The following ORC4 variants were observed in gnomAD, a reference collection of about 807,000 sequenced individuals.
ORC4 encodes origin recognition complex subunit 4, also known as origin recognition complex, subunit 4 homolog.
A neutral mutation model predicts 63.9 loss-of-function variants in ORC4; 55 were observed. That is an observed-to-expected ratio of 0.86 (90% CI 0.69 to 1.08). The LOEUF (loss-of-function observed/expected upper bound fraction) is 1.08. Ranked by LOEUF, ORC4 falls within the 50% of genes least tolerant of loss-of-function variation. ORC4 has a pLI of 0.00. For missense variants in ORC4, 511 were observed against 504.4 expected (o/e 1.01, Z -0.13); for synonymous variants, 150 against 168.5 (o/e 0.89, Z 0.85).
At chr2:147,958,435 A>G in intron 5 of ORC4, 52 bp from the exon 6 acceptor site, 1 of 1,316,664 alleles carries the variant, frequency 7.6e-7, no homozygotes, top group Non-Finnish European at 1.1e-6. Flanking sequence ...CATGTATTTG[A>G]TACAGCAGGT....
chr2:147,934,407 C>T lies in ORC4; in HGVS notation c.*1103G>A. ...ATGCTTTGACGGACATTTCCACATT[C>T]CTCATAGGGATTTACTTTTTAATAC... On this transcript the variant is annotated 3_prime_UTR_variant, in exon 14 of 14. Transcript: ENST00000392857. 6.6e-6 allele frequency: 1 copy of T among 152,140 alleles called. No individual in the cohort carries two copies. The highest frequency in any genetic ancestry group is 1.5e-5 in the Non-Finnish European group (1 of 68,014). The allele number at this position is 152,140 out of a possible 1,614,324, so 9.4% of individuals were successfully genotyped here. A position where few individuals can be genotyped will look rare whatever the true frequency, so the allele number is the denominator to read the frequency against.
intron 7 of ORC4, among the ~76,000 whole-genome samples, chr2:147,953,932 T>C (rs865982443): frequency 1.3e-5 from 2 of 152,120 alleles, no homozygotes; most frequent in African/African-American, 2.4e-5. Flanking sequence ...TGTACTAATA[T>C]AGAATTTTAG....
At chr2:147,967,980 C>T (rs1184077360) in intron 4 of ORC4, among the ~76,000 whole-genome samples, 1 of 151,976 alleles carries the variant, frequency 6.6e-6, no homozygotes, top group African/African-American at 2.4e-5. Context: ...ATAGAGAACC[C>T]AGAAATTAAT....
rs1219655648 is a variant in ORC4 at position 147,933,102 on chromosome 2, A to AAAT, written c.*2405_*2407dup. On this transcript the variant is annotated 3_prime_UTR_variant, in exon 14 of 14. Coordinates refer to ENST00000392857, the MANE Select transcript of ORC4 (RefSeq NM_181741.4). Reference sequence around the variant, plus strand: ...TGGATTCAGATGTAAAAACACACTGAAATATTCCTCCTTTCACCTGCTTTT... The same window carrying AAAT: ...TGGATTCAGATGTAAAAACACACTGAAATAATATTCCTCCTTTCACCTGCTTTT... 2 of 152,064 alleles carry AAAT rather than the reference A, an allele frequency of 1.3e-5. No individual in the cohort carries two copies. The highest frequency in any genetic ancestry group is 2.9e-5 in the Non-Finnish European group (2 of 68,018). The allele number at this position is 152,064 out of a possible 1,614,324, so 9.4% of individuals were successfully genotyped here.
chr2:147,953,329 G>C (rs1400472022), intron 7 of ORC4, among the ~76,000 whole-genome samples: 1 of 152,082 alleles, frequency 6.6e-6, no homozygotes, highest in African/African-American at 2.4e-5. Flanking sequence ...GTGCAGTCTA[G>C]TTCCTAGACT....
At chr2:147,976,297 T>C (rs190934248) in intron 1 of ORC4, among the ~76,000 whole-genome samples, 11 of 152,288 alleles carry the variant, frequency 7.2e-5, no homozygotes, top group Admixed American at 3.9e-4. Flanking sequence ...CCCCATTTTG[T>C]GTCTGTCAGC....
chr2:147,972,665 T>C (rs944070665), intron 4 of ORC4, 74 bp downstream of exon 4: 18 of 713,104 alleles, frequency 2.5e-5, no homozygotes, highest in East Asian at 2.3e-4. Flanking sequence ...AAGATTTATA[T>C]ATGAATTTAT....
At position 147,963,362 on chromosome 2, in the gene ORC4, G is replaced by A. The variant is rs148568150; in HGVS notation, c.226-4496C>T. Among the ~76,000 whole-genome samples, 84 of 152,234 alleles carry A rather than the reference G, an allele frequency of 5.5e-4. 2 individuals carry two copies. The East Asian group carries it at 0.016, about 29-fold the overall frequency. On this transcript the variant is annotated intron_variant, in intron 4 of 13. Transcript: ENST00000392857. ...GCCATCTGCTGCAGAAAAGTTCCCA[G>A]GCCAGCCAAGCAGCAGTGTCACAGG...
At chr2:147,952,707 C>G (rs1689027993) in intron 7 of ORC4, among the ~76,000 whole-genome samples, 183 bp from the exon 8 acceptor site, 1 of 152,152 alleles carries the variant, frequency 6.6e-6, no homozygotes, top group African/African-American at 2.4e-5. Flanking sequence ...ATTCAAAGGA[C>G]AAACACAGCC....
At chr2:147,978,460 G>GT (rs745424783) in intron 1 of ORC4, among the ~76,000 whole-genome samples, 60 of 152,216 alleles carry the variant, frequency 3.9e-4, no homozygotes, top group Non-Finnish European at 1.0e-4. Context: ...CTTCAGGGCT[G>GT]TTTCAGTATT....
chr2:148,000,613 G>A (rs1472056542), intron 1 of ORC4, among the ~76,000 whole-genome samples: 1 of 152,090 alleles, frequency 6.6e-6, no homozygotes, highest in Non-Finnish European at 1.5e-5. Context: ...AGGAAACAGA[G>A]GAACTAGCAT....
chr2:147,952,094 T>C lies in ORC4; in HGVS notation c.588+279A>G, dbSNP rs572110296. ...TATTGGTGAGATTTAACCGCCTCAT[T>C]ACTTGATAATGTAGAAATTATATTT... On this transcript the variant is annotated intron_variant, in intron 8 of 13. Transcript: ENST00000392857. Among the ~76,000 whole-genome samples the C allele has an allele frequency of 3.3e-5, 5 of 152,328 alleles. No homozygotes were observed. The East Asian group carries it at 9.6e-4, about 29-fold the overall frequency.
At chr2:147,958,097 C>G (rs1689364244) in intron 6 of ORC4, among the ~76,000 whole-genome samples, 1 of 152,062 alleles carries the variant, frequency 6.6e-6, no homozygotes, top group African/African-American at 2.4e-5. Flanking sequence ...GCTACTATAA[C>G]CTACTATGGA....
intron 1 of ORC4, among the ~76,000 whole-genome samples, chr2:148,014,000 C>T (rs1248446160): frequency 6.6e-6 from 1 of 151,964 alleles, no homozygotes; most frequent in Non-Finnish European, 1.5e-5. Context: ...GAAGAAAAGG[C>T]TGAGAAAAAA....
chr2:147,958,527 T>A (rs1249414522), intron 5 of ORC4, 144 bp from the exon 6 acceptor site: 2 of 648,368 alleles, frequency 3.1e-6, no homozygotes, highest in Non-Finnish European at 2.7e-6. Flanking sequence ...AATAAAGACA[T>A]TCGGTAGAAT....
At position 148,005,322 on chromosome 2, in the gene ORC4, C is replaced by T. The variant is rs189845868; in HGVS notation, c.-18+15311G>A. The stretch of plus-strand genomic sequence containing the variant: ...AATACAGGAACAGAAAACCAAACAA[C>T]GCATGTTCCCATAAGTGGGAGCTGA... On this transcript the variant is annotated intron_variant, in intron 1 of 13. Transcript: ENST00000392857. Among the ~76,000 whole-genome samples the T allele has an allele frequency of 6.3e-3, 960 of 152,030 alleles. 6 individuals are homozygous for T. The highest frequency in any genetic ancestry group is 0.011 in the Admixed American group (164 of 15,256).
intron 7 of ORC4, among the ~76,000 whole-genome samples, chr2:147,954,972 G>C (rs1689163375): frequency 6.6e-6 from 1 of 151,684 alleles, no homozygotes; most frequent in African/African-American, 2.4e-5. Context: ...TAAAAAATTA[G>C]AAACAAAAGC....
rs116327956 is a variant in ORC4, at chr2:147,995,451, C to T, written c.-17-19476G>A. 6.6e-3 allele frequency among the ~76,000 whole-genome samples: 999 copies of T among 152,196 alleles called. 9 individuals carry two copies. The highest frequency in any genetic ancestry group is 0.023 in the African/African-American group (956 of 41,536). On this transcript the variant is annotated intron_variant, in intron 1 of 13. Coordinates refer to ENST00000392857, the MANE Select transcript of ORC4 (RefSeq NM_181741.4). ...AATAAGGGAATAAAAGCTGGCCACC[C>T]GAGTCAGCAGTGGCAACCTGCTGGG...
rs1475945654 is a variant in ORC4, at chr2:147,931,182, G to A, written c.*4328C>T. The A allele has an allele frequency of 2.0e-5, 3 of 150,634 alleles. No individual in the cohort carries two copies. Among genetic ancestry groups the A allele is most frequent in the Non-Finnish European group, 4.4e-5 (3 of 67,698 alleles). The allele number at this position is 150,634 out of a possible 1,614,324, so 9.3% of individuals were successfully genotyped here. A position where few individuals can be genotyped will look rare whatever the true frequency, so the allele number is the denominator to read the frequency against. On this transcript the variant is annotated 3_prime_UTR_variant, in exon 14 of 14. Coordinates refer to ENST00000392857, the MANE Select transcript of ORC4 (RefSeq NM_181741.4). ...TCATCCATGTCCCTACAAAGGACAT[G>A]AACTCATCATTTTTTATGGCTGCAT...
Sources: allele counts gnomAD v4.1 joint callset (sites outside exome capture counted in the v4.1 genomes callset), GRCh38; gene constraint gnomAD v4.1.1; transcripts MANE v1.5; gene names NCBI Gene and HGNC (gene_info 2026-07-23, HGNC 2026-07-21).